Variants in EPHA5 observed in about 807,000 individuals in gnomAD.
The protein encoded by EPHA5 is ephrin type-A receptor 5.
In EPHA5, 60 loss-of-function variants were observed where a neutral mutation model predicts 105.0. The ratio of observed to expected loss-of-function variants is 0.57; its 90% CI spans 0.46 to 0.71. The LOEUF (loss-of-function observed/expected upper bound fraction) is 0.71. Ranked by LOEUF, EPHA5 falls within the 30% of genes least tolerant of loss-of-function variation. EPHA5 has a pLI of 0.00. For missense variants in EPHA5, 1,218 were observed against 1,274.7 expected (o/e 0.96, Z 0.68); for synonymous variants, 513 against 449.1 (o/e 1.14, Z -1.80).
intron 2 of EPHA5, among the ~76,000 whole-genome samples, chr4:65,607,279 C>A (rs746427929): frequency 6.6e-6 from 1 of 151,906 alleles, no homozygotes; most frequent in Non-Finnish European, 1.5e-5. Context: ...GCAAATAATT[C>A]ATAACTAAAA....
chr4:65,483,794 T>C (rs1243683880), intron 5 of EPHA5, among the ~76,000 whole-genome samples: 3 of 152,160 alleles, frequency 2.0e-5, no homozygotes, highest in Non-Finnish European at 4.4e-5. Flanking sequence ...ACTGTAAGTG[T>C]ATCTCAGTGG....
At chr4:65,650,747 A>G (rs1418954826) in intron 1 of EPHA5, among the ~76,000 whole-genome samples, 1 of 152,084 alleles carries the variant, frequency 6.6e-6, no homozygotes, top group Admixed American at 6.5e-5. Context: ...AATCCTTGCC[A>G]TAATTTTTCA....
At chr4:65,624,507 C>T (rs1745967933) in intron 2 of EPHA5, among the ~76,000 whole-genome samples, 1 of 152,036 alleles carries the variant, frequency 6.6e-6, no homozygotes, top group Admixed American at 6.6e-5. Context: ...CAAAATAAAT[C>T]CTATTGTTAT....
chr4:65,589,346 A>G (rs1742419892), intron 3 of EPHA5, among the ~76,000 whole-genome samples: 1 of 152,064 alleles, frequency 6.6e-6, no homozygotes. Flanking sequence ...AAATGTAAGT[A>G]CATTATTCTA....
chr4:65,421,362 G>A (rs1050423698), intron 5 of EPHA5, among the ~76,000 whole-genome samples: 2 of 152,086 alleles, frequency 1.3e-5, no homozygotes, highest in Non-Finnish European at 2.9e-5. Flanking sequence ...ACATAGAATA[G>A]TAATCTATGG....
At chr4:65,416,955 C>T (rs1484461868) in intron 6 of EPHA5, among the ~76,000 whole-genome samples, 2 of 152,224 alleles carry the variant, frequency 1.3e-5, no homozygotes, top group African/African-American at 4.8e-5. Flanking sequence ...AATTGCCCTG[C>T]TGCCAAGTCC....
chr4:65,580,699 T>C (rs1741530406), intron 3 of EPHA5, among the ~76,000 whole-genome samples: 1 of 151,742 alleles, frequency 6.6e-6, no homozygotes, highest in Admixed American at 6.6e-5. Context: ...TCCTCCCCTG[T>C]CCCTCAAAGA....
At chr4:65,433,126 G>A (rs770912133) in intron 5 of EPHA5, among the ~76,000 whole-genome samples, 2 of 152,026 alleles carry the variant, frequency 1.3e-5, no homozygotes, top group Non-Finnish European at 1.5e-5. Context: ...TAAAATTTTC[G>A]AGTGCTGAAG....
chr4:65,460,566 A>G (rs1728028295), intron 5 of EPHA5, among the ~76,000 whole-genome samples: 1 of 151,490 alleles, frequency 6.6e-6, no homozygotes, highest in African/African-American at 2.4e-5. Flanking sequence ...AAAAGTAAAA[A>G]AGTCAAAAGT....
intron 5 of EPHA5, among the ~76,000 whole-genome samples, chr4:65,446,954 T>C (rs1726594548): frequency 6.6e-6 from 1 of 151,518 alleles, no homozygotes. Flanking sequence ...GCTATTACCA[T>C]GTCTGCGTTT....
chr4:65,617,407 G>A (rs1021975868), intron 2 of EPHA5, among the ~76,000 whole-genome samples: 5 of 152,044 alleles, frequency 3.3e-5, no homozygotes, highest in African/African-American at 7.2e-5. Flanking sequence ...ATACCTGTTG[G>A]CTGAATTTAT....
At chr4:65,529,583 T>C (rs1028129922) in intron 3 of EPHA5, among the ~76,000 whole-genome samples, 3 of 152,138 alleles carry the variant, frequency 2.0e-5, no homozygotes, top group Admixed American at 1.3e-4. Flanking sequence ...AATTTCACCA[T>C]ACATACTCAT....
intron 8 of EPHA5, among the ~76,000 whole-genome samples, chr4:65,373,765 T>A (rs545724286): frequency 2.0e-4 from 31 of 152,042 alleles, no homozygotes; most frequent in African/African-American, 7.0e-4. Flanking sequence ...AAAATAAGAA[T>A]TTAACATCTC....
In EPHA5 at chr4:65,388,902, T is replaced by C. The variant is rs532430139; in HGVS notation, c.1793+15472A>G. ...GAAGTCCTTGCCCATGCCTATGTCC[T>C]GAATGGTAATGCCTAGGTTTTATTC... On this transcript the variant is annotated intron_variant, in intron 8 of 16. Transcript: ENST00000613740. Among the ~76,000 whole-genome samples, 49 of 152,154 alleles carry C rather than the reference T, an allele frequency of 3.2e-4. No individual in the cohort carries two copies. The Middle Eastern group carries it at 0.01, about 32-fold the overall frequency.
chr4:65,443,368 A>G (rs1392834164), intron 5 of EPHA5, among the ~76,000 whole-genome samples: 3 of 151,692 alleles, frequency 2.0e-5, no homozygotes, highest in African/African-American at 7.3e-5. Flanking sequence ...TAGTAAACAT[A>G]CTAGATATTT....
At chr4:65,512,757 A>T (rs1316667054) in intron 3 of EPHA5, among the ~76,000 whole-genome samples, 1 of 152,196 alleles carries the variant, frequency 6.6e-6, no homozygotes, top group Non-Finnish European at 1.5e-5. Flanking sequence ...AGTGCCAGAC[A>T]GACTAATACA....
intron 6 of EPHA5, among the ~76,000 whole-genome samples, chr4:65,419,489 T>G (rs1009719179): frequency 4.6e-5 from 7 of 152,144 alleles, no homozygotes; most frequent in Non-Finnish European, 7.4e-5. Flanking sequence ...ATGTCTGCAT[T>G]TTTTACTTGT....
At chr4:65,589,426 G>T (rs1330803632) in intron 3 of EPHA5, among the ~76,000 whole-genome samples, 1 of 152,086 alleles carries the variant, frequency 6.6e-6, no homozygotes, top group Non-Finnish European at 1.5e-5. Context: ...TACTGTTAAA[G>T]TTCCCTCCCC....
intron 11 of EPHA5, among the ~76,000 whole-genome samples, chr4:65,359,228 T>C (rs1237745722): frequency 6.6e-6 from 1 of 151,614 alleles, no homozygotes; most frequent in Non-Finnish European, 1.5e-5. Flanking sequence ...AAAACCTGTA[T>C]CTGCCTTAAA....
Sources: gnomAD v4.1 joint callset for allele counts (sites outside exome capture counted in the v4.1 genomes callset) on GRCh38, gnomAD v4.1.1 for gene constraint, MANE v1.5 for transcripts, NCBI Gene and HGNC (gene_info 2026-07-23, HGNC 2026-07-21) for gene names.